The following PIAS1 variants were observed in gnomAD, a reference collection of about 807,000 sequenced individuals.
PIAS1 encodes protein inhibitor of activated STAT 1.
Under a neutral mutation model 71.3 loss-of-function variants are expected in PIAS1, and 6 were observed. The observed-to-expected ratio is 0.08, with a 90% confidence interval of 0.05 to 0.17. The LOEUF (loss-of-function observed/expected upper bound fraction) is 0.17. Among genes scored for constraint, PIAS1 ranks in the 10% least tolerant of loss-of-function variants. PIAS1 has a pLI of 1.00. For missense variants in PIAS1, 555 were observed against 793.6 expected (o/e 0.70, Z 3.61); for synonymous variants, 303 against 292.9 (o/e 1.03, Z -0.35).
chr15:68,062,727 G>A (rs1295338470), intron 1 of PIAS1, among the ~76,000 whole-genome samples: 1 of 152,176 alleles, frequency 6.6e-6, no homozygotes, highest in Non-Finnish European at 1.5e-5. Context: ...GTGTGTGTAT[G>A]TCTAGATGAG....
chr15:68,145,480 CTTAATT>C (rs1282748845), intron 4 of PIAS1, among the ~76,000 whole-genome samples: 3 of 152,124 alleles, frequency 2.0e-5, no homozygotes, highest in Non-Finnish European at 4.4e-5. Flanking sequence ...TTCAGAATTT[CTTAATT>C]TTATTTGACT....
intron 2 of PIAS1, among the ~76,000 whole-genome samples, chr15:68,110,447 T>C (rs1168325604): frequency 6.6e-6 from 1 of 151,930 alleles, no homozygotes; most frequent in African/African-American, 2.4e-5. Flanking sequence ...AATAAAAAAA[T>C]TAGCCCGGTG....
chr15:68,092,827 G>C (rs567553749), intron 2 of PIAS1, among the ~76,000 whole-genome samples: 2 of 152,270 alleles, frequency 1.3e-5, no homozygotes, highest in Non-Finnish European at 2.9e-5. Flanking sequence ...GGACTTCCCA[G>C]CTTCCAGAAC....
At chr15:68,074,654 G>T (rs750773614) in intron 1 of PIAS1, among the ~76,000 whole-genome samples, 1 of 152,048 alleles carries the variant, frequency 6.6e-6, no homozygotes, top group Non-Finnish European at 1.5e-5. Context: ...AAAGATAAAA[G>T]ACTTTTTTTA....
chr15:68,138,361 G>C (rs1411271560), intron 2 of PIAS1, among the ~76,000 whole-genome samples: 2 of 152,042 alleles, frequency 1.3e-5, no homozygotes, highest in Non-Finnish European at 2.9e-5. Context: ...AATGTCCATG[G>C]CCCTGAACAT....
At chr15:68,089,695 T>TA (rs1359013273) in intron 2 of PIAS1, among the ~76,000 whole-genome samples, 2 of 151,566 alleles carry the variant, frequency 1.3e-5, no homozygotes, top group South Asian at 2.1e-4. Flanking sequence ...GGCTGAGACT[T>TA]ACAGGCACGT....
intron 1 of PIAS1, among the ~76,000 whole-genome samples, chr15:68,078,661 T>C (rs2092195898): frequency 6.6e-6 from 1 of 152,182 alleles, no homozygotes; most frequent in African/African-American, 2.4e-5. Flanking sequence ...TTGAGCCCTA[T>C]CTCCATCATG....
At chr15:68,122,521 G>T (rs1049996910) in intron 2 of PIAS1, among the ~76,000 whole-genome samples, 1 of 152,124 alleles carries the variant, frequency 6.6e-6, no homozygotes, top group Non-Finnish European at 1.5e-5. Context: ...GAAGTGAAAT[G>T]CAATCCTAGA....
At chr15:68,092,703 G>A (rs2092343214) in intron 2 of PIAS1, among the ~76,000 whole-genome samples, 1 of 152,156 alleles carries the variant, frequency 6.6e-6, no homozygotes, top group African/African-American at 2.4e-5. Context: ...GCTCCAAGGA[G>A]CTTGTTTGCC....
chr15:68,157,122 T>C (rs962582854), intron 7 of PIAS1, among the ~76,000 whole-genome samples: 2 of 152,194 alleles, frequency 1.3e-5, no homozygotes, highest in Admixed American at 6.5e-5. Flanking sequence ...TGCCATTTAC[T>C]GAAACAGAAA....
chr15:68,083,640 A>T (rs2092250180), intron 1 of PIAS1, among the ~76,000 whole-genome samples: 2 of 152,070 alleles, frequency 1.3e-5, no homozygotes, highest in African/African-American at 4.8e-5. Flanking sequence ...AAGAAAGTAC[A>T]TTTGGAGTAG....
chr15:68,181,372 C>G lies in PIAS1; in HGVS notation c.1624+18C>G. The G allele has an allele frequency of 6.2e-7, 1 of 1,610,394 alleles. No homozygotes were observed. Among genetic ancestry groups the G allele is most frequent in the South Asian group, 1.1e-5 (1 of 90,942 alleles). ...CTTACAAGGTGAGTCACTGGTTCTT[C>G]TACATTGTCACATAGCATTATGAAT... is the stretch of plus-strand genomic sequence containing the variant. On this transcript the variant is annotated intron_variant, in intron 12 of 13. Coordinates refer to ENST00000249636, the MANE Select transcript of PIAS1 (RefSeq NM_016166.3).
At chr15:68,110,033 C>G (rs1042870320) in intron 2 of PIAS1, among the ~76,000 whole-genome samples, 3 of 152,122 alleles carry the variant, frequency 2.0e-5, no homozygotes, top group Non-Finnish European at 4.4e-5. Flanking sequence ...TTGTGAATCT[C>G]TAAGCCAGAT....
At chr15:68,121,297 T>A (rs550189048) in intron 2 of PIAS1, among the ~76,000 whole-genome samples, 2 of 151,978 alleles carry the variant, frequency 1.3e-5, no homozygotes, top group African/African-American at 4.8e-5. Context: ...TCAAAAATTT[T>A]ACTCCACTTC....
At chr15:68,115,634 A>G (rs1227257946) in intron 2 of PIAS1, among the ~76,000 whole-genome samples, 2 of 152,106 alleles carry the variant, frequency 1.3e-5, no homozygotes, top group South Asian at 2.1e-4. Flanking sequence ...GAGGGAAAAC[A>G]TTGATTCTTT....
At chr15:68,069,168 A>G (rs1437966249) in intron 1 of PIAS1, among the ~76,000 whole-genome samples, 1 of 152,116 alleles carries the variant, frequency 6.6e-6, no homozygotes, top group Admixed American at 6.5e-5. Flanking sequence ...TGCTGGGATT[A>G]CAGGCGTGAG....
At chr15:68,075,329 G>T (rs1364006034) in intron 1 of PIAS1, among the ~76,000 whole-genome samples, 1 of 151,750 alleles carries the variant, frequency 6.6e-6, no homozygotes, top group Non-Finnish European at 1.5e-5. Context: ...CAGGTGATCC[G>T]CCCACCTCGG....
chr15:68,108,732 G>T (rs1364599092), intron 2 of PIAS1, among the ~76,000 whole-genome samples: 2 of 151,884 alleles, frequency 1.3e-5, no homozygotes, highest in Admixed American at 6.6e-5. Context: ...CATCCTTTTT[G>T]TTGCTCAAGT....
At position 68,187,797 on chromosome 15, in the gene PIAS1, A is replaced by G; in HGVS notation, c.1918A>G (p.Ile640Val). The change falls in exon 14 of 14, where the codon ATC (isoleucine) becomes GTC (valine). Residue 640 changes from isoleucine (I) to valine (V), a missense_variant. By Grantham distance (29) the Ile-to-Val change is conservative (BLOSUM62 3). This residue lies in a region of PIAS1 where 244 missense variants were observed against 307.5 expected (regional missense o/e 0.79). Coordinates refer to ENST00000249636, the MANE Select transcript of PIAS1 (RefSeq NM_016166.3). The surrounding 1 kb of genome is among the most constrained non-coding windows in gnomAD (Gnocchi z 5.3). The stretch of plus-strand genomic sequence containing the variant: ...CAGGAGCAGCACGGACACGGCATCC[A>G]TCTTTGGCATCATACCAGACATTAT... ...TNRSSTDTASIFGIIPDIISL... is the reference protein window; with the variant it reads ...TNRSSTDTASVFGIIPDIISL... 1 of 1,613,892 alleles carries G rather than the reference A, an allele frequency of 6.2e-7. No individual in the cohort carries two copies. The highest frequency in any genetic ancestry group is 1.1e-5 in the South Asian group (1 of 91,064).
Sources: gnomAD v4.1 joint callset for allele counts (sites outside exome capture counted in the v4.1 genomes callset) on GRCh38, gnomAD v4.1.1 for gene constraint, gnomAD v4.1.1 regional missense constraint, Gnocchi (gnomAD v3.1) non-coding constraint, MANE v1.5 for transcripts, NCBI Gene and HGNC (gene_info 2026-07-23, HGNC 2026-07-21) for gene names.